PCDHA1: variants seen among roughly 807,000 people sequenced by gnomAD.
PCDHA1 encodes the protein protocadherin alpha-1.
In PCDHA1, 42 loss-of-function variants were observed where a neutral mutation model predicts 61.3. The ratio of observed to expected loss-of-function variants is 0.69; its 90% CI spans 0.54 to 0.89. The LOEUF is 0.89. Ranked by LOEUF, PCDHA1 falls within the 40% of genes least tolerant of loss-of-function variation. PCDHA1 has a pLI of 0.00. For missense variants in PCDHA1, 1,256 were observed against 1,235.3 expected (o/e 1.02, Z -0.25); for synonymous variants, 610 against 553.8 (o/e 1.10, Z -1.43).
chr5:140,834,810 G>C (rs2150227216), intron 1 of PCDHA1: 6 of 1,612,624 alleles, frequency 3.7e-6, no homozygotes, highest in South Asian at 1.1e-5. Flanking sequence ...TCTGTTCATC[G>C]CGGAATCCAG....
intron 1 of PCDHA1, chr5:140,796,384 A>G: frequency 1.9e-6 from 3 of 1,613,562 alleles, no homozygotes; most frequent in East Asian, 2.2e-5. Flanking sequence ...GGGCTGCCAC[A>G]TCTTCACGGT....
intron 1 of PCDHA1, chr5:140,814,617 A>G (rs1554126560): frequency 6.6e-6 from 1 of 152,186 alleles, no homozygotes; most frequent in African/African-American, 2.4e-5. Context: ...GTACTTTTAT[A>G]TAACTGGTAG....
chr5:140,923,306 C>T (rs572766829), intron 1 of PCDHA1, among the ~76,000 whole-genome samples: 1 of 152,098 alleles, frequency 6.6e-6, no homozygotes, highest in East Asian at 1.9e-4. Flanking sequence ...GGCGTGGGGG[C>T]GCTTGGCCTA....
intron 1 of PCDHA1, chr5:140,825,971 A>G (rs1768773443): frequency 1.3e-5 from 2 of 152,276 alleles, no homozygotes; most frequent in South Asian, 4.1e-4. Flanking sequence ...TTTTGAGGGG[A>G]AAAGTATGGA....
chr5:140,796,478 C>A (rs567436398), intron 1 of PCDHA1: 2 of 1,612,232 alleles, frequency 1.2e-6, no homozygotes, highest in Non-Finnish European at 1.7e-6. Flanking sequence ...CGCGCGTTGT[C>A]GAGCTACGTT....
chr5:141,006,127 C>CA (rs2098257011), intron 3 of PCDHA1, among the ~76,000 whole-genome samples: 1 of 147,760 alleles, frequency 6.8e-6, no homozygotes, highest in Admixed American at 6.7e-5. Flanking sequence ...TTTCTCAAGG[C>CA]AGTAGAAAGC....
chr5:140,787,997 A>AGTGG lies in PCDHA1; in HGVS notation c.1712_1715dup (p.Thr573TrpfsTer8), dbSNP rs1761420360. Reference sequence around the variant, plus strand: ...ACGCGCCGGCGCTGCTGGCGCCTCGAGTGGGTGGCACTATTGGTGCAGTCA... The same window carrying AGTGG: ...ACGCGCCGGCGCTGCTGGCGCCTCGAGTGGGTGGGTGGCACTATTGGTGCAGTCA... On this transcript the variant is annotated frameshift_variant, in exon 1 of 4. Transcript: ENST00000504120. LOFTEE classifies it high-confidence loss of function. 20 of 1,613,910 alleles carry AGTGG rather than the reference A, an allele frequency of 1.2e-5. No individual in the cohort carries two copies. The highest frequency in any genetic ancestry group is 1.7e-5 in the Non-Finnish European group (20 of 1,179,882).
At chr5:140,851,197 G>A (rs1581255686) in intron 1 of PCDHA1, 1 of 1,202,520 alleles carries the variant, frequency 8.3e-7, no homozygotes. Flanking sequence ...TTAGTTGTTA[G>A]TCATTCATTA....
chr5:141,010,107 C>T lies in PCDHA1; in HGVS notation c.*170C>T, dbSNP rs1457376249. On this transcript the variant is annotated 3_prime_UTR_variant, in exon 4 of 4. Coordinates refer to ENST00000504120, the MANE Select transcript of PCDHA1 (RefSeq NM_018900.4). ...CTAGAACGCATTTAACAGGTTTTGT[C>T]GTAAAAGCTTTACTAAGTCTGGTGT... 8.1e-6 allele frequency: 13 copies of T among 1,611,484 alleles called. No individual in the cohort carries two copies. Among genetic ancestry groups the T allele is most frequent in the South Asian group, 4.4e-5 (4 of 90,776 alleles).
At chr5:140,883,763 G>T (rs782611304) in intron 1 of PCDHA1, 4 of 1,612,740 alleles carry the variant, frequency 2.5e-6, no homozygotes, top group Non-Finnish European at 3.4e-6. Flanking sequence ...GGAGCGGCGG[G>T]TGGGCGAGCG....
chr5:140,926,495 T>G (rs1033428952), intron 1 of PCDHA1: 3 of 181,806 alleles, frequency 1.7e-5, no homozygotes, highest in Non-Finnish European at 3.4e-5. Flanking sequence ...TGTTAGTGTC[T>G]CGGGGCGTCT....
intron 1 of PCDHA1, chr5:140,817,742 C>T (rs2150098917): frequency 5.3e-5 from 8 of 152,172 alleles, no homozygotes; most frequent in Non-Finnish European, 7.3e-5. Context: ...TTTCTGGGAT[C>T]ATTTTCCTTC....
At chr5:140,992,282 TG>T (rs1554252798) in intron 3 of PCDHA1, among the ~76,000 whole-genome samples, 1 of 152,178 alleles carries the variant, frequency 6.6e-6, no homozygotes, top group African/African-American at 2.4e-5. Context: ...AGCACATCCC[TG>T]CAAAGGATGG....
intron 1 of PCDHA1, chr5:140,836,460 C>G (rs2150261551): frequency 6.2e-7 from 1 of 1,613,848 alleles, no homozygotes; most frequent in South Asian, 1.1e-5. Context: ...AGAGACCGAG[C>G]TGGTGGATGT....
At chr5:140,830,066 C>T in intron 1 of PCDHA1, 1 of 1,613,706 alleles carries the variant, frequency 6.2e-7, no homozygotes, top group African/African-American at 1.3e-5. Flanking sequence ...TGAGCCGGCG[C>T]TGACAGCGAC....
chr5:140,969,314 G>A (rs200006206), intron 1 of PCDHA1: 2 of 1,614,032 alleles, frequency 1.2e-6, no homozygotes, highest in Non-Finnish European at 1.7e-6. Context: ...CAAAAATGAG[G>A]CTGTTTCTCA....
intron 1 of PCDHA1, among the ~76,000 whole-genome samples, chr5:140,943,273 A>AG (rs1157586895): frequency 6.7e-6 from 1 of 150,362 alleles, no homozygotes; most frequent in Non-Finnish European, 1.5e-5. Flanking sequence ...AAAAAAAAAA[A>AG]AAAAGAAAGA....
intron 1 of PCDHA1, chr5:140,871,314 G>A (rs199741530): frequency 6.2e-7 from 1 of 1,614,048 alleles, no homozygotes; most frequent in East Asian, 2.2e-5. Context: ...GGAAGCCCAC[G>A]CTGGTGTGCT....
At chr5:141,006,181 G>A (rs960173277) in intron 3 of PCDHA1, among the ~76,000 whole-genome samples, 1 of 150,918 alleles carries the variant, frequency 6.6e-6, no homozygotes, top group Non-Finnish European at 1.5e-5. Flanking sequence ...TTTTAAAAGA[G>A]TTTGCTATAT....
Sources: gnomAD v4.1 joint callset for allele counts (sites outside exome capture counted in the v4.1 genomes callset) on GRCh38, gnomAD v4.1.1 for gene constraint, MANE v1.5 for transcripts, NCBI Gene and HGNC (gene_info 2026-07-23, HGNC 2026-07-21) for gene names.